Variants in SPECC1 observed in about 807,000 individuals in gnomAD.
The protein encoded by SPECC1 is sperm antigen with calponin homology and coiled-coil domains 1, also known as cytospin-B.
A neutral mutation model predicts 104.1 loss-of-function variants in SPECC1; 62 were observed. The observed-to-expected ratio is 0.60, with a 90% CI of 0.49 to 0.74. The LOEUF is 0.74. SPECC1 is among the 30% of genes least tolerant of loss of function. The probability of loss-of-function intolerance (pLI) is 0.00; values close to 1 mark genes in which losing one functional copy is unlikely to be tolerated. For missense variants in SPECC1, 1,306 were observed against 1,310.5 expected (o/e 1.00, Z 0.05); for synonymous variants, 513 against 501.6 (o/e 1.02, Z -0.30).
chr17:20,090,606 A>AGG (rs951321061), intron 1 of SPECC1, among the ~76,000 whole-genome samples: 2 of 144,574 alleles, frequency 1.4e-5, no homozygotes, highest in Admixed American at 1.4e-4. Context: ...AAAAAAAAAA[A>AGG]GGGCTCTTAT....
intron 7 of SPECC1, among the ~76,000 whole-genome samples, chr17:20,243,470 C>T (rs1475258052): frequency 6.6e-6 from 1 of 152,140 alleles, no homozygotes; most frequent in Non-Finnish European, 1.5e-5. Context: ...GATTTAAGTA[C>T]ATACTAATAA....
At chr17:20,172,602 C>G (rs937933261) in intron 3 of SPECC1, among the ~76,000 whole-genome samples, 1 of 151,950 alleles carries the variant, frequency 6.6e-6, no homozygotes, top group Non-Finnish European at 1.5e-5. Flanking sequence ...GGCAGGCCAG[C>G]GTGGGAGGAC....
chr17:20,126,280 T>A (rs11868116), intron 3 of SPECC1: 1 of 151,506 alleles, frequency 6.6e-6, no homozygotes, highest in Non-Finnish European at 1.5e-5. Context: ...TCTCTTCTTC[T>A]CTCCCTTCAT....
chr17:20,171,818 C>G (rs561729287), intron 3 of SPECC1, among the ~76,000 whole-genome samples: 1 of 152,180 alleles, frequency 6.6e-6, no homozygotes, highest in Non-Finnish European at 1.5e-5. Context: ...TGGAGATGCT[C>G]TGGGGCTTCT....
chr17:20,059,565 T>G (rs1597629872), intron 1 of SPECC1, among the ~76,000 whole-genome samples: 1 of 47,312 alleles, frequency 2.1e-5, no homozygotes, highest in Admixed American at 2.5e-4. Flanking sequence ...AAGTGCAACT[T>G]CTTCTACTCT....
intron 1 of SPECC1, among the ~76,000 whole-genome samples, chr17:20,021,280 G>A (rs538795619): frequency 1.3e-4 from 20 of 152,144 alleles, no homozygotes; most frequent in African/African-American, 2.9e-4. Context: ...AGGGTCACGC[G>A]TATACTGCTT....
chr17:20,016,767 C>T (rs1338541305), intron 1 of SPECC1, among the ~76,000 whole-genome samples: 1 of 152,240 alleles, frequency 6.6e-6, no homozygotes, highest in Non-Finnish European at 1.5e-5. Context: ...CCCTGCTCCA[C>T]GGCGCCCAGT....
intron 9 of SPECC1, among the ~76,000 whole-genome samples, chr17:20,250,564 G>A (rs903277545): frequency 1.3e-5 from 2 of 152,268 alleles, no homozygotes; most frequent in African/African-American, 4.8e-5. Flanking sequence ...ACATAGGAGA[G>A]AGTAGTAGAA....
At chr17:20,087,323 C>T (rs2047216280) in intron 1 of SPECC1, among the ~76,000 whole-genome samples, 2 of 152,164 alleles carry the variant, frequency 1.3e-5, no homozygotes, top group African/African-American at 4.8e-5. Context: ...AGTTTTATAA[C>T]ACTGATGCTT....
chr17:20,035,015 G>A (rs1597593926), intron 1 of SPECC1, among the ~76,000 whole-genome samples: 2 of 152,284 alleles, frequency 1.3e-5, no homozygotes, highest in East Asian at 3.9e-4. Flanking sequence ...CTATAGATGT[G>A]CAATGACTCT....
chr17:20,126,128 C>T (rs1184487809), intron 3 of SPECC1, among the ~76,000 whole-genome samples: 2 of 152,102 alleles, frequency 1.3e-5, no homozygotes, highest in Non-Finnish European at 2.9e-5. Context: ...GGCTGTCTCT[C>T]CAGTTCTCCA....
At chr17:20,148,543 G>GAA (rs10667828) in intron 3 of SPECC1, among the ~76,000 whole-genome samples, 45,022 of 135,912 alleles carry the variant, frequency 0.33, 8,145 homozygotes, top group Middle Eastern at 0.45. Flanking sequence ...ATGTGCACTA[G>GAA]AAAAAAAAAA....
At chr17:20,140,052 A>G (rs1171764040) in intron 3 of SPECC1, among the ~76,000 whole-genome samples, 2 of 152,102 alleles carry the variant, frequency 1.3e-5, no homozygotes, top group Non-Finnish European at 2.9e-5. Flanking sequence ...TAGCTTCCTG[A>G]CTTGAGTTGC....
At chr17:20,291,245 C>T (rs1211693433) in intron 12 of SPECC1, among the ~76,000 whole-genome samples, 1 of 152,220 alleles carries the variant, frequency 6.6e-6, no homozygotes, top group Non-Finnish European at 1.5e-5. Context: ...CCTCTAGAAT[C>T]TGCCCTCTCC....
rs139394459 is a variant in SPECC1, at chr17:20,067,672, T to C, written c.-21-28959T>C. 9.2e-5 allele frequency among the ~76,000 whole-genome samples: 14 copies of C among 152,150 alleles called. 1 individual carries two copies. The East Asian group carries it at 2.5e-3, about 27-fold the overall frequency. On this transcript the variant is annotated intron_variant, in intron 1 of 14. Coordinates refer to ENST00000395527, the MANE Select transcript of SPECC1 (RefSeq NM_001243439.2). ...TTACATATTTATAATATTTTTAACATTTATAGTATATATCATATTTCTATA... is the reference window on the plus strand; with the variant it reads ...TTACATATTTATAATATTTTTAACACTTATAGTATATATCATATTTCTATA...
At position 20,315,814 on chromosome 17, in the gene SPECC1, G is replaced by C. The variant is rs1186866297; in HGVS notation, c.*1749G>C. On this transcript the variant is annotated 3_prime_UTR_variant, in exon 15 of 15. Transcript: ENST00000395527. ...CTTGAGACAAGAACTCCGCCCCCCT[G>C]TTAGTGCATCCCAGCTGCAGCTCTG... The C allele has an allele frequency of 8.6e-6, 2 of 232,674 alleles. No individual in the cohort carries two copies. Among genetic ancestry groups the C allele is most frequent in the East Asian group, 1.2e-4 (2 of 16,510 alleles). The allele number at this position is 232,674 out of a possible 1,614,324, so 14.4% of individuals were successfully genotyped here. A position where few individuals can be genotyped will look rare whatever the true frequency, so the allele number is the denominator to read the frequency against.
chr17:20,295,482 G>A (rs951560836), intron 12 of SPECC1, among the ~76,000 whole-genome samples: 3 of 152,126 alleles, frequency 2.0e-5, no homozygotes, highest in Non-Finnish European at 2.9e-5. Context: ...ATAAACATAT[G>A]TGTGCATGTG....
intron 7 of SPECC1, among the ~76,000 whole-genome samples, chr17:20,235,026 C>T (rs2038825874): frequency 1.3e-5 from 2 of 152,254 alleles, no homozygotes; most frequent in Admixed American, 6.5e-5. Context: ...GTCATGTTTG[C>T]AGCCAACCAG....
At chr17:20,140,496 T>C (rs750163744) in intron 3 of SPECC1, among the ~76,000 whole-genome samples, 8 of 152,206 alleles carry the variant, frequency 5.3e-5, no homozygotes, top group Non-Finnish European at 1.0e-4. Flanking sequence ...GGAAGCGATA[T>C]CTCTCCCTCT....
Sources: allele counts gnomAD v4.1 joint callset (sites outside exome capture counted in the v4.1 genomes callset), GRCh38; gene constraint gnomAD v4.1.1; transcripts MANE v1.5; gene names NCBI Gene and HGNC (gene_info 2026-07-23, HGNC 2026-07-21).